Variants in CSMD1 observed in about 807,000 individuals in gnomAD.
The protein encoded by CSMD1 is CUB and sushi domain-containing protein 1.
CSMD1 carries 213 observed loss-of-function variants against 417.5 expected under a neutral mutation model. That is an observed-to-expected ratio of 0.51 (90% CI 0.46 to 0.57). The LOEUF (loss-of-function observed/expected upper bound fraction) is 0.57, where lower values mean the gene tolerates loss of function less well. Ranked by LOEUF, CSMD1 falls within the 20% of genes least tolerant of loss-of-function variation. The probability of loss-of-function intolerance (pLI) is 0.00; values close to 1 mark genes in which losing one functional copy is unlikely to be tolerated. For synonymous variants in CSMD1, 2,862 were observed against 1,736.8 expected (o/e 1.65, Z -16.11); for missense variants, 6,923 against 4,529.7 (o/e 1.53, Z -15.17).
intron 3 of CSMD1, among the ~76,000 whole-genome samples, chr8:4,128,291 G>A (rs541281663): frequency 3.3e-5 from 5 of 152,146 alleles, no homozygotes; most frequent in Admixed American, 6.5e-5. Context: ...GATCTGAGAA[G>A]ACTCGTGAAT....
intron 3 of CSMD1, among the ~76,000 whole-genome samples, chr8:4,137,449 A>C (rs1291791869): frequency 1.1e-5 from 1 of 89,830 alleles, no homozygotes; most frequent in African/African-American, 2.8e-5. Flanking sequence ...TATTGTCAAA[A>C]TAGAGAGTAT....
intron 3 of CSMD1, among the ~76,000 whole-genome samples, chr8:4,400,804 A>T (rs1009054231): frequency 1.5e-4 from 22 of 147,352 alleles, no homozygotes; most frequent in Non-Finnish European, 3.3e-4. Context: ...TGATGAGCTC[A>T]TGCTTTTAAA....
At chr8:3,375,267 C>T (rs1042829416) in intron 18 of CSMD1, 1 of 152,196 alleles carries the variant, frequency 6.6e-6, no homozygotes, top group South Asian at 2.1e-4. Context: ...CCCACTATTG[C>T]TTTCTTCAAC....
At chr8:3,630,869 G>A (rs930929416) in intron 7 of CSMD1, among the ~76,000 whole-genome samples, 14 of 152,146 alleles carry the variant, frequency 9.2e-5, no homozygotes, top group African/African-American at 3.1e-4. Flanking sequence ...AACCTCAGTT[G>A]GTCTGTTGGT....
chr8:4,210,687 C>T (rs747442025), intron 3 of CSMD1, among the ~76,000 whole-genome samples: 1 of 152,148 alleles, frequency 6.6e-6, no homozygotes, highest in Non-Finnish European at 1.5e-5. Flanking sequence ...CAATTTTCCA[C>T]TTCATTTTGC....
chr8:3,089,071 G>C (rs891954466), intron 48 of CSMD1, among the ~76,000 whole-genome samples: 4 of 152,146 alleles, frequency 2.6e-5, no homozygotes, highest in Non-Finnish European at 4.4e-5. Context: ...GACATGAAGG[G>C]CCCTACAGGG....
chr8:4,240,362 C>T (rs1187051205), intron 3 of CSMD1, among the ~76,000 whole-genome samples: 1 of 152,220 alleles, frequency 6.6e-6, no homozygotes, highest in East Asian at 1.9e-4. Context: ...CTCCTGCATT[C>T]TGGCTATGCC....
At position 3,786,286 on chromosome 8, in the gene CSMD1, G is replaced by T. The variant is rs144423538; in HGVS notation, c.819-32244C>A. Among the ~76,000 whole-genome samples the T allele has an allele frequency of 6.1e-3, 929 of 152,242 alleles. 12 individuals carry two copies. Among genetic ancestry groups the T allele is most frequent in the African/African-American group, 0.021 (890 of 41,540 alleles). On this transcript the variant is annotated intron_variant, in intron 5 of 69. Coordinates refer to ENST00000635120, the MANE Select transcript of CSMD1 (RefSeq NM_033225.6). ...AGTGGATACATGGGCATGGAGGTTA[G>T]AAGAGACCTGAGGGTGGAGACAAAA... is the stretch of plus-strand genomic sequence containing the variant.
intron 7 of CSMD1, among the ~76,000 whole-genome samples, chr8:3,637,838 G>A (rs976498461): frequency 6.6e-6 from 1 of 152,100 alleles, no homozygotes; most frequent in African/African-American, 2.4e-5. Flanking sequence ...TATTTCTTGT[G>A]CTGTTCCTAT....
At chr8:3,007,938 C>A (rs1808077563) in intron 52 of CSMD1, among the ~76,000 whole-genome samples, 2 of 151,966 alleles carry the variant, frequency 1.3e-5, no homozygotes, top group African/African-American at 4.8e-5. Context: ...AGAAAAAAAA[C>A]TTAAAAAAAG....
At chr8:4,742,528 A>G (rs1160975428) in intron 1 of CSMD1, among the ~76,000 whole-genome samples, 1 of 152,034 alleles carries the variant, frequency 6.6e-6, no homozygotes, top group East Asian at 1.9e-4. Flanking sequence ...TATTTTATAA[A>G]TATATTATTT....
intron 5 of CSMD1, among the ~76,000 whole-genome samples, chr8:3,870,415 A>G (rs570857667): frequency 1.3e-5 from 2 of 152,272 alleles, no homozygotes; most frequent in East Asian, 1.9e-4. Flanking sequence ...GCACTCCATG[A>G]AACATTTATA....
At chr8:4,642,083 C>G (rs1202695009) in intron 1 of CSMD1, among the ~76,000 whole-genome samples, 1 of 152,142 alleles carries the variant, frequency 6.6e-6, no homozygotes, top group South Asian at 2.1e-4. Flanking sequence ...TTGGAGGTGA[C>G]CTGGTCAGCC....
intron 23 of CSMD1, among the ~76,000 whole-genome samples, chr8:3,322,065 G>T (rs1428429478): frequency 2.0e-5 from 3 of 152,158 alleles, no homozygotes; most frequent in Non-Finnish European, 2.9e-5. Context: ...CATTTCCATG[G>T]ATTATTTTAC....
intron 4 of CSMD1, among the ~76,000 whole-genome samples, chr8:4,029,395 C>G (rs1174495682): frequency 1.3e-5 from 2 of 152,194 alleles, no homozygotes; most frequent in East Asian, 1.9e-4. Context: ...GCCTCACAAT[C>G]ATGGTGGAAG....
rs56272726 is a variant in CSMD1, at chr8:3,709,680, G to GTTTTTTTTTTTTTTTTTTTTTT, written c.932-1211_932-1190dup. Among the ~76,000 whole-genome samples, 110 of 33,664 alleles carry GTTTTTTTTTTTTTTTTTTTTTT rather than the reference G, an allele frequency of 3.3e-3. 27 individuals carry two copies. The highest frequency in any genetic ancestry group is 0.01 in the East Asian group (7 of 674). The allele number at this position is 33,664 out of a possible 152,430, so 22.1% of individuals were successfully genotyped here. A position where few individuals can be genotyped will look rare whatever the true frequency, so the allele number is the denominator to read the frequency against. ...GATGGGCTTTAAATTGCAGCAGCATGTTTTTTTTTTTTTTTTTTTTTTTTT... is the reference window on the plus strand; with the variant it reads ...GATGGGCTTTAAATTGCAGCAGCATGTTTTTTTTTTTTTTTTTTTTTTTTTTTTTTTTTTTTTTTTTTTTTTT... On this transcript the variant is annotated intron_variant, in intron 6 of 69. Coordinates refer to ENST00000635120, the MANE Select transcript of CSMD1 (RefSeq NM_033225.6).
At chr8:3,983,510 G>T (rs902924416) in intron 5 of CSMD1, among the ~76,000 whole-genome samples, 1 of 152,144 alleles carries the variant, frequency 6.6e-6, no homozygotes, top group Non-Finnish European at 1.5e-5. Flanking sequence ...ACAGGACTTG[G>T]GACAGGAAAC....
chr8:3,340,479 A>G (rs1488915241), intron 23 of CSMD1, among the ~76,000 whole-genome samples: 2 of 152,240 alleles, frequency 1.3e-5, no homozygotes, highest in African/African-American at 4.8e-5. Flanking sequence ...AAACATTTAA[A>G]TACTAATGTT....
At chr8:4,081,791 G>C (rs1301909484) in intron 3 of CSMD1, among the ~76,000 whole-genome samples, 1 of 151,988 alleles carries the variant, frequency 6.6e-6, no homozygotes, top group African/African-American at 2.4e-5. Flanking sequence ...CAAAACACTT[G>C]AATACACAAT....
Sources: gnomAD v4.1 joint callset for allele counts (sites outside exome capture counted in the v4.1 genomes callset) on GRCh38, gnomAD v4.1.1 for gene constraint, MANE v1.5 for transcripts, NCBI Gene and HGNC (gene_info 2026-07-23, HGNC 2026-07-21) for gene names.